Variants in ZNF510 observed in about 807,000 individuals in gnomAD.
The protein encoded by ZNF510 is zinc finger protein 510.
A neutral mutation model predicts 18.1 loss-of-function variants in ZNF510; 15 were observed. That is an observed-to-expected ratio of 0.83 (90% confidence interval 0.55 to 1.28). The LOEUF is 1.28. ZNF510 is among the 50% of genes most tolerant of loss of function. The probability of loss-of-function intolerance (pLI) is 0.00; values close to 1 mark genes in which losing one functional copy is unlikely to be tolerated. For synonymous variants in ZNF510, 261 were observed against 266.4 expected, an observed-to-expected ratio of 0.98 and a Z score of 0.20; for missense variants, 724 against 791.8, an observed-to-expected ratio of 0.91 and a Z score of 1.03.
intron 3 of ZNF510, among the ~76,000 whole-genome samples, chr9:96,771,027 T>C (rs1849574774): frequency 6.6e-6 from 1 of 152,196 alleles, no homozygotes; most frequent in Non-Finnish European, 1.5e-5. Flanking sequence ...ACTCCAATGC[T>C]AGACTACCTC....
In ZNF510 at chr9:96,758,819, T is replaced by G; in HGVS notation, c.2011A>C (p.Ser671Arg). ...YGKLCKKSTL[S>R]LYQKIQGEGN... is the part of the protein sequence containing the mutation. Reference sequence around the variant, plus strand: ...TCTCCCTGAATTTTCTGGTATAAGCTTAGGGTAGACTTCTTACATAATTTC... The same window carrying G: ...TCTCCCTGAATTTTCTGGTATAAGCGTAGGGTAGACTTCTTACATAATTTC... The change falls in exon 6 of 6, where the codon AGC (serine) becomes CGC (arginine). Residue 671 changes from serine to arginine, a missense_variant. Coordinates refer to ENST00000223428, the MANE Select transcript of ZNF510 (RefSeq NM_014930.3). 1.2e-6 allele frequency: 2 copies of G among 1,609,756 alleles called. No individual in the cohort carries two copies. The highest frequency in any genetic ancestry group is 1.7e-6 in the Non-Finnish European group (2 of 1,177,522).
At chr9:96,760,894 G>A (rs140510475) in intron 5 of ZNF510, among the ~76,000 whole-genome samples, 50 of 152,226 alleles carry the variant, frequency 3.3e-4, no homozygotes, top group African/African-American at 1.1e-3. Context: ...AGACTCAACA[G>A]GGAGGGGGTT....
At position 96,759,315 on chromosome 9, in the gene ZNF510, AT is replaced by A; in HGVS notation, c.1514del (p.Asp505ValfsTer166). 6.2e-7 allele frequency: 1 copy of A among 1,613,928 alleles called. No homozygotes were observed. Among genetic ancestry groups the A allele is most frequent in the Non-Finnish European group, 8.5e-7 (1 of 1,179,966 alleles). On this transcript the variant is annotated frameshift_variant, in exon 6 of 6. Coordinates refer to ENST00000223428, the MANE Select transcript of ZNF510 (RefSeq NM_014930.3). LOFTEE classifies it low-confidence loss of function (END_TRUNC). ...KTFVQKSTLR[D>X]HHRIHTGEKS... ...TCTCCCCTGTGTGAATTCTGTGATG[AT>A]CTCTGAGGGTGGACTTCTGAACAAA...
At position 96,759,934 on chromosome 9, in the gene ZNF510, T is replaced by C; in HGVS notation, c.896A>G (p.His299Arg). 6.2e-7 allele frequency: 1 copy of C among 1,613,420 alleles called. No homozygotes were observed. The highest frequency in any genetic ancestry group is 8.5e-7 in the Non-Finnish European group (1 of 1,179,970). The part of the protein sequence containing the change: ...KNCDKKTLFD[H>R]RRTGTGKKHL... ...TTTCTTCCCTGTGCCAGTTCTCCTG[T>C]GGTCAAAGAGAGTTTTCTTATCACA... Residue 299 changes from histidine (H) to arginine (R), a missense_variant, in exon 6 of 6, where the codon CAC (histidine) becomes CGC (arginine). By Grantham distance (29) the His-to-Arg change is conservative. Transcript: ENST00000223428.
At chr9:96,775,760 A>G (rs371037513) in intron 2 of ZNF510, among the ~76,000 whole-genome samples, 8 of 152,218 alleles carry the variant, frequency 5.3e-5, no homozygotes, top group East Asian at 1.9e-4. Context: ...TTCAGGATAG[A>G]GGCAACCTTA....
chr9:96,773,445 C>T (rs1849624894), intron 3 of ZNF510, among the ~76,000 whole-genome samples: 1 of 152,168 alleles, frequency 6.6e-6, no homozygotes, highest in Non-Finnish European at 1.5e-5. Flanking sequence ...TGAACAATTT[C>T]TCAATTCCTT....
At chr9:96,771,445 A>C (rs970085456) in intron 3 of ZNF510, among the ~76,000 whole-genome samples, 2 of 151,192 alleles carry the variant, frequency 1.3e-5, no homozygotes, top group African/African-American at 2.4e-5. Flanking sequence ...AAAAAAAAAA[A>C]CTCAGGAAAC....
chr9:96,768,356 T>C (rs750537130), intron 3 of ZNF510, among the ~76,000 whole-genome samples: 1 of 152,152 alleles, frequency 6.6e-6, no homozygotes, highest in Non-Finnish European at 1.5e-5. Flanking sequence ...CTGGAAGTTC[T>C]AGCTAGAGGA....
chr9:96,763,432 C>A, intron 4 of ZNF510, 74 bp downstream of exon 4: 1 of 1,497,154 alleles, frequency 6.7e-7, no homozygotes, highest in South Asian at 1.3e-5. Flanking sequence ...GTAAATTGTT[C>A]ACATGTATTG....
chr9:96,761,228 T>C (rs923150571), intron 5 of ZNF510, among the ~76,000 whole-genome samples: 2 of 152,192 alleles, frequency 1.3e-5, no homozygotes, highest in African/African-American at 4.8e-5. Context: ...TAAGTGAACC[T>C]GATCATCCCA....
At position 96,759,891 on chromosome 9, in the gene ZNF510, T is replaced by C. The variant is rs61735019; in HGVS notation, c.939A>G (p.Gln313=). The C allele has an allele frequency of 3.4e-3, 5,498 of 1,613,332 alleles. 152 individuals carry two copies. In the African/African-American group the frequency reaches 0.062, roughly 18 times the overall value. ...TTGACTTCTCAAAGGATTTCCCACA[T>C]TGATTAAGATGCAGGTGTTTCTTCC... ...GTGKKHLHLN[Q]CGKSFEKSTV... is the part of the protein sequence containing the mutation. Residue 313 remains glutamine (Q), a synonymous_variant, in exon 6 of 6, where the codon CAA becomes CAG. Coordinates refer to ENST00000223428, the MANE Select transcript of ZNF510 (RefSeq NM_014930.3).
Position 96,758,811 on chromosome 9 carries a change from G to C in ZNF510, c.2019C>G (p.Tyr673Ter). The change falls in exon 6 of 6, where the codon TAC (tyrosine) becomes TAG (stop). Residue 673 changes from tyrosine to a stop codon, truncating the protein, a stop_gained. Coordinates refer to ENST00000223428, the MANE Select transcript of ZNF510 (RefSeq NM_014930.3). LOFTEE classifies it low-confidence loss of function (END_TRUNC). The stretch of plus-strand genomic sequence containing the variant: ...GATTCCCCTCTCCCTGAATTTTCTG[G>C]TATAAGCTTAGGGTAGACTTCTTAC... ...KLCKKSTLSLYQKIQGEGNPY is the reference protein window; with the variant it reads ...KLCKKSTLSL 2 of 1,598,576 alleles carry C rather than the reference G, an allele frequency of 1.3e-6. No homozygotes were observed.
intron 3 of ZNF510, among the ~76,000 whole-genome samples, chr9:96,765,578 T>TCTCGGCTCACTGCAACC (rs1181281998): frequency 1.3e-5 from 2 of 151,998 alleles, no homozygotes; most frequent in African/African-American, 4.8e-5. Context: ...AGTGATGTGA[T>TCTCGGCTCACTGCAACC]CTCGGCTCAC....
intron 3 of ZNF510, 78 bp from the exon 4 acceptor site, chr9:96,763,710 A>C: frequency 7.2e-7 from 1 of 1,384,112 alleles, no homozygotes; most frequent in Non-Finnish European, 9.6e-7. Flanking sequence ...AACAATTCTT[A>C]TCAGGTTTAA....
At position 96,774,853 on chromosome 9, in the gene ZNF510, G is replaced by T; in HGVS notation, c.71-7C>A. 1 of 1,613,782 alleles carries T rather than the reference G, an allele frequency of 6.2e-7. No homozygotes were observed. Among genetic ancestry groups the T allele is most frequent in the Non-Finnish European group, 8.5e-7 (1 of 1,179,772 alleles). On this transcript the variant is annotated splice_region_variant and splice_polypyrimidine_tract_variant and intron_variant, in intron 2 of 5. Transcript: ENST00000223428. Reference sequence around the variant, plus strand: ...GAGAACCGTAAAGGATAACCTGGGGGTGAGGAAGGAGTCATGAGAGATCTG... The same window carrying T: ...GAGAACCGTAAAGGATAACCTGGGGTTGAGGAAGGAGTCATGAGAGATCTG...
At chr9:96,769,063 T>G (rs1849533971) in intron 3 of ZNF510, among the ~76,000 whole-genome samples, 1 of 152,104 alleles carries the variant, frequency 6.6e-6, no homozygotes, top group Non-Finnish European at 1.5e-5. Flanking sequence ...AAAAATAGTT[T>G]TCAACAGATG....
chr9:96,769,437 C>CAA (rs71485393), intron 3 of ZNF510, among the ~76,000 whole-genome samples: 48 of 126,268 alleles, frequency 3.8e-4, no homozygotes, highest in Non-Finnish European at 6.5e-4. Context: ...ATTCCGTCTC[C>CAA]AAAAAAAAAA....
Position 96,756,919 on chromosome 9 carries a change from G to C in ZNF510, c.*1859C>G, listed in dbSNP as rs550748226. The stretch of plus-strand genomic sequence containing the variant: ...CTGATTAGAATTCTATGACTTATGC[G>C]AATTACAGGGAATTAGAATTCTCTC... On this transcript the variant is annotated 3_prime_UTR_variant, in exon 6 of 6. Transcript: ENST00000223428. 1 of 152,136 alleles carries C rather than the reference G, an allele frequency of 6.6e-6. No homozygotes were observed. The highest frequency in any genetic ancestry group is 1.5e-5 in the Non-Finnish European group (1 of 68,032). The allele number at this position is 152,136 out of a possible 1,614,324, so 9.4% of individuals were successfully genotyped here.
chr9:96,769,809 G>T (rs570689412), intron 3 of ZNF510, among the ~76,000 whole-genome samples: 1 of 152,050 alleles, frequency 6.6e-6, no homozygotes, highest in Non-Finnish European at 1.5e-5. Context: ...GCCAATAAGC[G>T]CATGAAAAGA....
Sources: gnomAD v4.1 joint callset for allele counts (sites outside exome capture counted in the v4.1 genomes callset) on GRCh38, gnomAD v4.1.1 for gene constraint, MANE v1.5 for transcripts, NCBI Gene and HGNC (gene_info 2026-07-23, HGNC 2026-07-21) for gene names.